The following BOK variants were observed in gnomAD, a reference collection of about 807,000 sequenced individuals.
The protein encoded by BOK is BCL2 family apoptosis regulator BOK.
BOK carries 20 observed loss-of-function variants against 18.3 expected under a neutral mutation model. The observed-to-expected ratio is 1.09, with a 90% CI of 0.77 to 1.59. The LOEUF (loss-of-function observed/expected upper bound fraction) is 1.59. BOK is among the 40% of genes most tolerant of loss of function. BOK has a pLI of 0.00. For synonymous variants in BOK, 173 were observed against 142.4 expected, an observed-to-expected ratio of 1.21 and a Z score of -1.53; for missense variants, 348 against 307.9, an observed-to-expected ratio of 1.13 and a Z score of -0.97.
upstream of BOK, among the ~76,000 whole-genome samples, chr2:241,556,581 C>CA (rs55866928): frequency 0.42 from 36,232 of 86,566 alleles, 8,118 homozygotes; most frequent in Middle Eastern, 0.52. Flanking sequence ...GACTCCGTCT[C>CA]AAAAAAAAAA....
chr2:241,572,505 C>T lies in BOK; in HGVS notation c.*83C>T. 6.6e-7 allele frequency: 1 copy of T among 1,512,800 alleles called. No homozygotes were observed. The highest frequency in any genetic ancestry group is 8.8e-7 in the Non-Finnish European group (1 of 1,131,050). The allele number at this position is 1,512,800 out of a possible 1,614,324, so 93.7% of individuals were successfully genotyped here. On this transcript the variant is annotated 3_prime_UTR_variant, in exon 5 of 5. Coordinates refer to ENST00000318407, the MANE Select transcript of BOK (RefSeq NM_032515.5). ...CAGCACCCGAACACATCTTCCTCCT[C>T]CCCACCCGAGCCTGGAGCACTCTAA... is the stretch of plus-strand genomic sequence containing the variant.
At chr2:241,560,125 T>C (rs1311507804) in intron 2 of BOK, 1 of 985,290 alleles carries the variant, frequency 1.0e-6, no homozygotes, top group Non-Finnish European at 1.2e-6. Flanking sequence ...TTCCGAGGCC[T>C]CCGAGGCCCC....
At chr2:241,564,961 C>A (rs1372390069) in intron 3 of BOK, among the ~76,000 whole-genome samples, 1 of 152,158 alleles carries the variant, frequency 6.6e-6, no homozygotes, top group Non-Finnish European at 1.5e-5. Flanking sequence ...TTGAGCAGGG[C>A]CTGGCCTGAG....
At position 241,568,553 on chromosome 2, in the gene BOK, G is replaced by A. The variant is rs1275614569; in HGVS notation, c.350-1572G>A. ...CTGCCTCAGCCTCCCGAGTAGCTGG[G>A]ATTACAGGCGCCCACCACCATATCC... On this transcript the variant is annotated intron_variant, in intron 3 of 4. Coordinates refer to ENST00000318407, the MANE Select transcript of BOK (RefSeq NM_032515.5). Among the ~76,000 whole-genome samples the A allele has an allele frequency of 3.3e-5, 5 of 152,286 alleles. No homozygotes were observed. In the East Asian group the frequency reaches 9.6e-4, roughly 29 times the overall value.
chr2:241,551,887 C>T (rs1362663881), intron 1 of BOK, among the ~76,000 whole-genome samples: 1 of 150,394 alleles, frequency 6.6e-6, no homozygotes, highest in Non-Finnish European at 1.5e-5. Context: ...GTATTCACCT[C>T]GGCCACTTGA....
intron 3 of BOK, 34 bp from the exon 4 acceptor site, chr2:241,570,091 C>T: frequency 6.3e-7 from 1 of 1,598,520 alleles, no homozygotes; most frequent in South Asian, 1.1e-5. Flanking sequence ...GGGCGGGATT[C>T]AAGTCCTGAT....
intron 3 of BOK, among the ~76,000 whole-genome samples, chr2:241,568,126 TTTATTTA>T (rs1448277347): frequency 1.3e-5 from 2 of 152,006 alleles, no homozygotes; most frequent in African/African-American, 2.4e-5. Context: ...CCTTCTTTTA[TTTATTTA>T]TTATTTATTT....
intron 2 of BOK, chr2:241,560,336 C>T (rs865798835): frequency 5.3e-6 from 5 of 949,508 alleles, no homozygotes; most frequent in Middle Eastern, 1.1e-3. Context: ...GGGCTGTGGC[C>T]GTCACCTGGG....
At chr2:241,556,605 A>G (rs141384131), upstream of BOK, among the ~76,000 whole-genome samples, 1 of 147,598 alleles carries the variant, frequency 6.8e-6, no homozygotes, top group Non-Finnish European at 1.5e-5. Flanking sequence ...AAAAAAAAGA[A>G]TTCAGTCCTC....
chr2:241,551,899 C>T, intron 1 of BOK, among the ~76,000 whole-genome samples: 1 of 152,010 alleles, frequency 6.6e-6, no homozygotes, highest in East Asian at 1.9e-4. Flanking sequence ...GCCACTTGAA[C>T]CTGGAGTGGG....
At chr2:241,552,012 C>T (rs1267394529) in intron 1 of BOK, among the ~76,000 whole-genome samples, 1 of 152,164 alleles carries the variant, frequency 6.6e-6, no homozygotes, top group African/African-American at 2.4e-5. Context: ...AAGTAATCTT[C>T]GAGGAGCGGG....
At chr2:241,553,873 A>G (rs1003308288), upstream of BOK, among the ~76,000 whole-genome samples, 26 of 152,176 alleles carry the variant, frequency 1.7e-4, no homozygotes, top group Admixed American at 3.9e-4. Flanking sequence ...CAGTGAGGGA[A>G]GTCACTGGAG....
intron 3 of BOK, among the ~76,000 whole-genome samples, chr2:241,567,952 G>A (rs1436506604): frequency 2.0e-5 from 3 of 151,760 alleles, no homozygotes; most frequent in South Asian, 2.1e-4. Flanking sequence ...CCCACCCCTC[G>A]CCCACTGCCA....
chr2:241,565,020 G>A (rs954158963), intron 3 of BOK, among the ~76,000 whole-genome samples: 1 of 152,174 alleles, frequency 6.6e-6, no homozygotes, highest in South Asian at 2.1e-4. Flanking sequence ...GAGGGCACCT[G>A]GGGGCCAGGG....
At chr2:241,558,287 CAGG>C (rs1333163714), upstream of BOK, among the ~76,000 whole-genome samples, 1 of 152,066 alleles carries the variant, frequency 6.6e-6, no homozygotes, top group Non-Finnish European at 1.5e-5. Context: ...AAAGGAAATA[CAGG>C]AGGATATCCC....
intron 2 of BOK, chr2:241,560,182 AT>A: frequency 1.0e-6 from 1 of 985,348 alleles, no homozygotes; most frequent in Non-Finnish European, 1.2e-6. Context: ...AAACCTCAGT[AT>A]TCGTTGGTGC....
chr2:241,562,368 C>T lies in BOK; in HGVS notation c.241C>T (p.Arg81Trp), dbSNP rs146987702. 2.6e-5 allele frequency: 42 copies of T among 1,607,972 alleles called. No homozygotes were observed. The highest frequency in any genetic ancestry group is 4.0e-5 in the African/African-American group (3 of 74,860). ...LRLGDELEMI[R>W]PSVYRNVARQ... ...CACAGGCGATGAGCTGGAGATGATCCGGCCCAGCGTCTACCGCAACGTGGC... is the reference window on the plus strand; with the variant it reads ...CACAGGCGATGAGCTGGAGATGATCTGGCCCAGCGTCTACCGCAACGTGGC... The change falls in exon 3 of 5, where the codon CGG (arginine) becomes TGG (tryptophan). Residue 81 changes from arginine to tryptophan, a missense_variant. By Grantham distance (101) the Arg-to-Trp change is moderately radical (BLOSUM62 -3). Transcript: ENST00000318407. The surrounding 1 kb of genome is among the most constrained non-coding windows in gnomAD (Gnocchi z 4.5).
Position 241,559,643 on chromosome 2 carries a change from G to A in BOK, c.160G>A (p.Glu54Lys). The change falls in exon 2 of 5, where the codon GAG becomes AAG. Residue 54 changes from glutamate (E) to lysine (K), a missense_variant. By Grantham distance (56) the Glu-to-Lys change is moderately conservative. Transcript: ENST00000318407. Reference protein sequence around the residue: ...LRAGLSWSAPERAAPVPGRLA... With the variant: ...LRAGLSWSAPKRAAPVPGRLA... Reference sequence around the variant, plus strand: ...CGCCGGCCTCTCCTGGAGCGCGCCCGAGCGTGCCGCGCCGGTCCCGGGACG... The same window carrying A: ...CGCCGGCCTCTCCTGGAGCGCGCCCAAGCGTGCCGCGCCGGTCCCGGGACG... 2 of 1,408,914 alleles carry A rather than the reference G, an allele frequency of 1.4e-6. No individual in the cohort carries two copies. The highest frequency in any genetic ancestry group is 1.5e-5 in the South Asian group (1 of 65,230). 87.3% of individuals were successfully genotyped at this position (1,408,914 alleles called of 1,614,324 possible).
chr2:241,561,128 T>C (rs2066520680), intron 2 of BOK, among the ~76,000 whole-genome samples: 1 of 151,892 alleles, frequency 6.6e-6, no homozygotes, highest in Non-Finnish European at 1.5e-5. Flanking sequence ...TCTTAATTAA[T>C]GAGATACAGA....
Sources: allele counts gnomAD v4.1 joint callset (sites outside exome capture counted in the v4.1 genomes callset), GRCh38; gene constraint gnomAD v4.1.1; non-coding constraint Gnocchi (gnomAD v3.1); transcripts MANE v1.5; gene names NCBI Gene and HGNC (gene_info 2026-07-23, HGNC 2026-07-21).